The following POLR2G variants were observed in gnomAD, a reference collection of about 807,000 sequenced individuals.
The protein encoded by POLR2G is RNA polymerase II subunit G, also known as DNA-directed RNA polymerase II subunit RPB7.
In POLR2G, 19 loss-of-function variants were observed where a neutral mutation model predicts 25.7. The ratio of observed to expected loss-of-function variants is 0.74; its 90% CI spans 0.52 to 1.08. The LOEUF (loss-of-function observed/expected upper bound fraction) is 1.08. Among genes scored for constraint, POLR2G ranks in the 50% least tolerant of loss-of-function variants. The probability of loss-of-function intolerance (pLI) is 0.00; values close to 1 mark genes in which losing one functional copy is unlikely to be tolerated. For synonymous variants in POLR2G, 79 were observed against 76.0 expected (o/e 1.04, Z -0.21); for missense variants, 123 against 218.5 (o/e 0.56, Z 2.76).
At chr11:62,762,724 AAGC>A in intron 2 of POLR2G, 140 bp from the exon 3 acceptor site, 1 of 656,110 alleles carries the variant, frequency 1.5e-6, no homozygotes, top group South Asian at 1.7e-5. Context: ...TTTGGTCATT[AAGC>A]TCTCTGGGAG....
At position 62,761,619 on chromosome 11, in the gene POLR2G, G is replaced by C; in HGVS notation, c.-30G>C. On this transcript the variant is annotated 5_prime_UTR_variant, in exon 1 of 8. Transcript: ENST00000301788. ...GATTCCCAGGGACTGTCGGAGGTGT[G>C]GACTCTGCCTGCCTACCTGGTCTGG... 6.2e-7 allele frequency: 1 copy of C among 1,601,840 alleles called. No individual in the cohort carries two copies. Among genetic ancestry groups the C allele is most frequent in the Non-Finnish European group, 8.5e-7 (1 of 1,173,786 alleles).
chr11:62,763,811 C>T (rs1373882029), intron 3 of POLR2G, among the ~76,000 whole-genome samples: 4 of 150,616 alleles, frequency 2.7e-5, no homozygotes, highest in East Asian at 3.9e-4. Context: ...GGCGCAATCT[C>T]GGCTCGCTGC....
At chr11:62,762,835 C>T (rs2134855160) in intron 2 of POLR2G, 32 bp from the exon 3 acceptor site, 1 of 1,544,270 alleles carries the variant, frequency 6.5e-7, no homozygotes. Context: ...CTTGGACACA[C>T]AGTGTCTTCC....
rs1386296574 is a variant in POLR2G, at chr11:62,761,823, A to T, written c.41A>T (p.His14Leu). 2 of 1,613,854 alleles carry T rather than the reference A, an allele frequency of 1.2e-6. No homozygotes were observed. The highest frequency in any genetic ancestry group is 1.7e-5 in the Admixed American group (1 of 60,004). ...HISLEHEILL[H>L]PRYFGPNLLN... is the part of the protein sequence containing the mutation. ...TCCCTAGAGCACGAAATCCTGCTGC[A>T]CCCGCGCTACTTCGGCCCCAACTTG... is the stretch of plus-strand genomic sequence containing the variant. Residue 14 changes from histidine (H) to leucine (L), a missense_variant, in exon 2 of 8, where the codon CAC becomes CTC. Coordinates refer to ENST00000301788, the MANE Select transcript of POLR2G (RefSeq NM_002696.3).
At position 62,761,923 on chromosome 11, in the gene POLR2G, G is replaced by C; in HGVS notation, c.122+19G>C. 6 of 1,537,428 alleles carry C rather than the reference G, an allele frequency of 3.9e-6. No individual in the cohort carries two copies. Among genetic ancestry groups the C allele is most frequent in the Non-Finnish European group, 5.4e-6 (6 of 1,117,454 alleles). The stretch of plus-strand genomic sequence containing the variant: ...CAGGGAAGTGAGTGTCGAGCTCACC[G>C]CACCGCCAGATCGTTCGATGCGCAC... On this transcript the variant is annotated intron_variant, in intron 2 of 7. Coordinates refer to ENST00000301788, the MANE Select transcript of POLR2G (RefSeq NM_002696.3).
intron 2 of POLR2G, 72 bp from the exon 3 acceptor site, chr11:62,762,795 C>T (rs544434726): frequency 8.1e-5 from 105 of 1,292,872 alleles, no homozygotes; most frequent in Non-Finnish European, 1.1e-4. Context: ...AAGAGCTCAG[C>T]GACTTTTATT....
intron 3 of POLR2G, 85 bp from the exon 4 acceptor site, chr11:62,765,097 T>C (rs1716512854): frequency 8.9e-7 from 1 of 1,126,296 alleles, no homozygotes; most frequent in African/African-American, 1.5e-5. Context: ...GACCTCGTGA[T>C]CCACCGGCCT....
rs968845042 is a variant in POLR2G at position 62,761,628 on chromosome 11, C to T, written c.-21C>T. 2 of 1,606,786 alleles carry T rather than the reference C, an allele frequency of 1.2e-6. No individual in the cohort carries two copies. Among genetic ancestry groups the T allele is most frequent in the African/African-American group, 2.7e-5 (2 of 74,886 alleles). On this transcript the variant is annotated 5_prime_UTR_variant, in exon 1 of 8. Transcript: ENST00000301788. ...GGACTGTCGGAGGTGTGGACTCTGC[C>T]TGCCTACCTGGTCTGGGAAGATGTT...
intron 3 of POLR2G, 80 bp from the exon 4 acceptor site, chr11:62,765,102 C>A: frequency 8.3e-7 from 1 of 1,204,510 alleles, no homozygotes; most frequent in Non-Finnish European, 1.2e-6. Flanking sequence ...CGTGATCCAC[C>A]GGCCTCGGCC....
Position 62,766,559 on chromosome 11 carries a change from CT to C in POLR2G, c.*54del. On this transcript the variant is annotated 3_prime_UTR_variant, in exon 8 of 8. Coordinates refer to ENST00000301788, the MANE Select transcript of POLR2G (RefSeq NM_002696.3). The stretch of plus-strand genomic sequence containing the variant: ...TACTCTAGGAAGTGTGATTGTCACA[CT>C]TATCATGTTGTCCAGAGGTCCAGTC... 1 of 1,571,128 alleles carries C rather than the reference CT, an allele frequency of 6.4e-7. No individual in the cohort carries two copies. Among genetic ancestry groups the C allele is most frequent in the Non-Finnish European group, 8.8e-7 (1 of 1,141,394 alleles).
At position 62,761,594 on chromosome 11, in the gene POLR2G, G is replaced by A; in HGVS notation, c.-55G>A. 1 of 1,552,132 alleles carries A rather than the reference G, an allele frequency of 6.4e-7. No homozygotes were observed. The highest frequency in any genetic ancestry group is 8.7e-7 in the Non-Finnish European group (1 of 1,147,908). ...TTGCGGCGTCTAAGTGTTTCCGGTG[G>A]ATTCCCAGGGACTGTCGGAGGTGTG... On this transcript the variant is annotated 5_prime_UTR_variant, in exon 1 of 8. Coordinates refer to ENST00000301788, the MANE Select transcript of POLR2G (RefSeq NM_002696.3).
Position 62,761,619 on chromosome 11 carries a change from G to A in POLR2G, c.-30G>A, listed in dbSNP as rs746637380. The A allele has an allele frequency of 9.4e-6, 15 of 1,601,724 alleles. No homozygotes were observed. The highest frequency in any genetic ancestry group is 1.3e-5 in the African/African-American group (1 of 74,608). On this transcript the variant is annotated 5_prime_UTR_variant, in exon 1 of 8. Coordinates refer to ENST00000301788, the MANE Select transcript of POLR2G (RefSeq NM_002696.3). Reference sequence around the variant, plus strand: ...GATTCCCAGGGACTGTCGGAGGTGTGGACTCTGCCTGCCTACCTGGTCTGG... The same window carrying A: ...GATTCCCAGGGACTGTCGGAGGTGTAGACTCTGCCTGCCTACCTGGTCTGG...
chr11:62,762,133 C>T (rs182799230), intron 2 of POLR2G: 1 of 559,676 alleles, frequency 1.8e-6, no homozygotes. Flanking sequence ...ACTCCTCAAA[C>T]ATTTTAAAAA....
At position 62,761,887 on chromosome 11, in the gene POLR2G, G is replaced by A; in HGVS notation, c.105G>A (p.Glu35=). The A allele has an allele frequency of 1.2e-6, 2 of 1,610,950 alleles. No homozygotes were observed. Among genetic ancestry groups the A allele is most frequent in the African/African-American group, 1.3e-5 (1 of 75,030 alleles). ...AGCAGAAGCTCTTCACCGAGGTGGA[G>A]GGGACCTGCACAGGGAAGTGAGTGT... ...TVKQKLFTEV[E]GTCTGKYGFV... Residue 35 remains glutamate, a synonymous_variant, in exon 2 of 8, where the codon GAG becomes GAA. Transcript: ENST00000301788.
At chr11:62,763,364 C>T (rs1368555544) in intron 3 of POLR2G, among the ~76,000 whole-genome samples, 3 of 151,000 alleles carry the variant, frequency 2.0e-5, no homozygotes, top group South Asian at 2.1e-4. Context: ...GCGAGATCTC[C>T]ACTCACTGCA....
intron 3 of POLR2G, among the ~76,000 whole-genome samples, chr11:62,764,757 C>T (rs746894745): frequency 5.3e-5 from 8 of 152,136 alleles, no homozygotes; most frequent in Non-Finnish European, 8.8e-5. Flanking sequence ...GATCGCACCA[C>T]TACTTTCCAA....
intron 3 of POLR2G, among the ~76,000 whole-genome samples, chr11:62,764,904 G>T (rs928256945): frequency 2.0e-5 from 3 of 152,132 alleles, no homozygotes; most frequent in African/African-American, 7.2e-5. Flanking sequence ...CTGTTGCCAG[G>T]CTGAAGTGCA....
At chr11:62,764,076 G>T (rs1354244634) in intron 3 of POLR2G, among the ~76,000 whole-genome samples, 2 of 152,152 alleles carry the variant, frequency 1.3e-5, no homozygotes, top group Admixed American at 1.3e-4. Context: ...AAGCTTGGAA[G>T]AAATTAAGTG....
chr11:62,764,809 C>T (rs1385802626), intron 3 of POLR2G, among the ~76,000 whole-genome samples: 1 of 150,164 alleles, frequency 6.7e-6, no homozygotes, highest in African/African-American at 2.4e-5. Flanking sequence ...ATTTAAAAAG[C>T]AAAAAACAAA....
Sources: gnomAD v4.1 joint callset for allele counts (sites outside exome capture counted in the v4.1 genomes callset) on GRCh38, gnomAD v4.1.1 for gene constraint, MANE v1.5 for transcripts, NCBI Gene and HGNC (gene_info 2026-07-23, HGNC 2026-07-21) for gene names.